The following GABRB3 variants were observed in gnomAD, a reference collection of about 807,000 sequenced individuals.
The protein encoded by GABRB3 is gamma-aminobutyric acid receptor subunit beta-3.
Under a neutral mutation model 52.1 loss-of-function variants are expected in GABRB3, and 14 were observed. The ratio of observed to expected loss-of-function variants is 0.27; its 90% CI spans 0.18 to 0.42. The LOEUF (loss-of-function observed/expected upper bound fraction) is 0.42. GABRB3 is among the 10% of genes least tolerant of loss of function. GABRB3 has a pLI of 1.00. For missense variants in GABRB3, 307 were observed against 609.1 expected (o/e 0.50, Z 5.22); for synonymous variants, 260 against 232.3 (o/e 1.12, Z -1.08).
chr15:26,558,342 T>C (rs1889833162), intron 8 of GABRB3, among the ~76,000 whole-genome samples: 1 of 152,218 alleles, frequency 6.6e-6, no homozygotes, highest in South Asian at 2.1e-4. Context: ...CTTCCATGGG[T>C]TCATGAATGT....
chr15:26,697,330 C>T (rs1036134), intron 3 of GABRB3, among the ~76,000 whole-genome samples: 11,417 of 152,186 alleles, frequency 0.075, 546 homozygotes, highest in Middle Eastern at 0.16. Context: ...CCTATATGTG[C>T]TTTTCTTTAA....
chr15:26,631,296 A>G (rs1275168142), intron 3 of GABRB3, among the ~76,000 whole-genome samples: 1 of 152,232 alleles, frequency 6.6e-6, no homozygotes, highest in East Asian at 1.9e-4. Flanking sequence ...CATATAAACA[A>G]CAAAGTTTCT....
chr15:26,554,204 T>G (rs1846621284), intron 8 of GABRB3, among the ~76,000 whole-genome samples: 1 of 87,802 alleles, frequency 1.1e-5, no homozygotes, highest in African/African-American at 4.0e-5. Context: ...TATATATATA[T>G]ATATAGTAGA....
intron 4 of GABRB3, among the ~76,000 whole-genome samples, chr15:26,599,781 A>C (rs1891522354): frequency 6.6e-6 from 1 of 152,216 alleles, no homozygotes; most frequent in Non-Finnish European, 1.5e-5. Context: ...GGCCAGAAGA[A>C]GAGCTATCTC....
In GABRB3 at chr15:26,749,763, G is replaced by T. The variant is rs955591227; in HGVS notation, c.240+22639C>A. ...CTTTCGCGGGGGCTTTTTTGTTGGT[G>T]TTTGTTTGTTTGTGTGTCTGTCTGC... On this transcript the variant is annotated intron_variant, in intron 3 of 8. Transcript: ENST00000311550. Among the ~76,000 whole-genome samples the T allele has an allele frequency of 7.2e-5, 11 of 152,282 alleles. 1 individual carries two copies. In the South Asian group the frequency reaches 1.0e-3, roughly 14 times the overall value.
intron 3 of GABRB3, among the ~76,000 whole-genome samples, chr15:26,694,391 A>G (rs1304564374): frequency 6.6e-6 from 1 of 152,238 alleles, no homozygotes; most frequent in Admixed American, 6.5e-5. Flanking sequence ...CATGACCCCA[A>G]CAGGGCTCTT....
At chr15:26,569,538 T>C (rs1242372912) in intron 6 of GABRB3, among the ~76,000 whole-genome samples, 2 of 152,236 alleles carry the variant, frequency 1.3e-5, no homozygotes, top group African/African-American at 4.8e-5. Context: ...CTGAATGCTG[T>C]AGATTTAGGT....
At chr15:26,672,560 A>G (rs1887931796) in intron 3 of GABRB3, among the ~76,000 whole-genome samples, 1 of 152,158 alleles carries the variant, frequency 6.6e-6, no homozygotes, top group South Asian at 2.1e-4. Context: ...TAGCAGTAAT[A>G]AGTTAGTAGG....
intron 3 of GABRB3, among the ~76,000 whole-genome samples, chr15:26,761,138 T>C (rs1295281875): frequency 6.6e-6 from 1 of 152,180 alleles, no homozygotes; most frequent in Non-Finnish European, 1.5e-5. Context: ...CTCACGCCTA[T>C]AATCTTAGCA....
chr15:26,747,059 G>A (rs1430284090), intron 3 of GABRB3, among the ~76,000 whole-genome samples: 1 of 152,180 alleles, frequency 6.6e-6, no homozygotes, highest in Non-Finnish European at 1.5e-5. Context: ...TTTCTGAATT[G>A]ACTATTCTAT....
intron 4 of GABRB3, among the ~76,000 whole-genome samples, chr15:26,584,153 C>A (rs1035544073): frequency 3.3e-5 from 5 of 152,148 alleles, no homozygotes; most frequent in African/African-American, 4.8e-5. Context: ...GTATACAGCA[C>A]TTTGTTATTA....
intron 4 of GABRB3, among the ~76,000 whole-genome samples, chr15:26,591,056 C>A (rs924373443): frequency 6.6e-6 from 1 of 152,142 alleles, no homozygotes. Context: ...ACTGAGGTGA[C>A]CATTCATCTT....
chr15:26,623,910 T>C (rs1892581720), intron 3 of GABRB3, among the ~76,000 whole-genome samples: 1 of 152,118 alleles, frequency 6.6e-6, no homozygotes, highest in Non-Finnish European at 1.5e-5. Flanking sequence ...GCTCCAGAAC[T>C]GGAAGGAACA....
At chr15:26,663,592 C>A (rs1887614797) in intron 3 of GABRB3, among the ~76,000 whole-genome samples, 1 of 152,166 alleles carries the variant, frequency 6.6e-6, no homozygotes, top group Non-Finnish European at 1.5e-5. Flanking sequence ...CTTACCTGTG[C>A]TGTCATGTTT....
intron 4 of GABRB3, among the ~76,000 whole-genome samples, chr15:26,609,842 C>A (rs7164791): frequency 6.6e-6 from 1 of 152,150 alleles, no homozygotes; most frequent in Admixed American, 6.6e-5. Context: ...TACGTTAACT[C>A]ACTTGATTTA....
Position 26,763,603 on chromosome 15 carries a change from T to C in GABRB3, c.240+8799A>G, listed in dbSNP as rs1453061848. On this transcript the variant is annotated intron_variant, in intron 3 of 8. Coordinates refer to ENST00000311550, the MANE Select transcript of GABRB3 (RefSeq NM_000814.6). ...CTTTCACAACCATTTTTGGTCTGCA[T>C]AGATACACACACACACACACACACA... Among the ~76,000 whole-genome samples, 9 of 38,876 alleles carry C rather than the reference T, an allele frequency of 2.3e-4. No homozygotes were observed. In the South Asian group the frequency reaches 5.9e-3, roughly 26 times the overall value. 25.5% of individuals were successfully genotyped at this position (38,876 alleles called of 152,430 possible).
intron 8 of GABRB3, among the ~76,000 whole-genome samples, chr15:26,556,355 A>G (rs1889751542): frequency 6.6e-6 from 1 of 152,230 alleles, no homozygotes; most frequent in African/African-American, 2.4e-5. Flanking sequence ...AGTTAAGTAA[A>G]ATACTGTCGT....
intron 3 of GABRB3, among the ~76,000 whole-genome samples, chr15:26,764,172 AAAAAAAAATATATATATATATAT>A (rs1890917189): frequency 5.2e-4 from 9 of 17,256 alleles, no homozygotes; most frequent in African/African-American, 1.0e-3. Flanking sequence ...AAAAAAAAAA[AAAAAAAAATATATATATATATAT>A]ATATATATAT....
intron 3 of GABRB3, among the ~76,000 whole-genome samples, chr15:26,707,799 G>A (rs953600387): frequency 1.3e-5 from 2 of 152,106 alleles, no homozygotes; most frequent in African/African-American, 4.8e-5. Context: ...ATAATGATGG[G>A]GCAGAAGTTA....
Sources: gnomAD v4.1 joint callset for allele counts (sites outside exome capture counted in the v4.1 genomes callset) on GRCh38, gnomAD v4.1.1 for gene constraint, MANE v1.5 for transcripts, NCBI Gene and HGNC (gene_info 2026-07-23, HGNC 2026-07-21) for gene names.